The following TENM2 variants were observed in gnomAD, a reference collection of about 807,000 sequenced individuals.
TENM2 encodes the protein teneurin-2.
TENM2 carries 52 observed loss-of-function variants against 245.2 expected under a neutral mutation model. The observed-to-expected ratio is 0.21, with a 90% CI of 0.17 to 0.27. The LOEUF is 0.27. TENM2 is among the 10% of genes least tolerant of loss of function. The pLI is 1.00. For synonymous variants in TENM2, 1,363 were observed against 1,438.9 expected (o/e 0.95, Z 1.19); for missense variants, 3,046 against 3,666.8 (o/e 0.83, Z 4.37).
chr5:167,693,595 C>T (rs1466982690), intron 2 of TENM2, among the ~76,000 whole-genome samples: 2 of 148,490 alleles, frequency 1.3e-5, no homozygotes, highest in African/African-American at 5.0e-5. Flanking sequence ...CGGTGCTCCT[C>T]TCCCTCACTG....
intron 2 of TENM2, among the ~76,000 whole-genome samples, chr5:167,832,918 C>G (rs1768633991): frequency 6.6e-6 from 1 of 152,056 alleles, no homozygotes; most frequent in Non-Finnish European, 1.5e-5. Flanking sequence ...TGCTACAGAT[C>G]AGGGCTTTTT....
At chr5:167,905,059 C>G (rs1775983019) in intron 3 of TENM2, among the ~76,000 whole-genome samples, 1 of 152,114 alleles carries the variant, frequency 6.6e-6, no homozygotes, top group African/African-American at 2.4e-5. Flanking sequence ...TCATAAAACA[C>G]ATGATCAGAA....
exon 19 of TENM2, chr5:168,204,607 C>T (rs1221648568): frequency 3.1e-6 from 5 of 1,613,684 alleles, no homozygotes; most frequent in East Asian, 2.2e-5. Flanking sequence ...ATGTGACCAG[C>T]ATCTTGGAGT....
rs568555353 is a variant in TENM2, at chr5:167,732,474, T to C, written c.503-143512T>C. Among the ~76,000 whole-genome samples the C allele has an allele frequency of 5.8e-4, 88 of 152,330 alleles. No homozygotes were observed. In the South Asian group the frequency reaches 0.017, roughly 29 times the overall value. The stretch of plus-strand genomic sequence containing the variant: ...GGGAAGAAAAGAACTGGATACATTA[T>C]TGTTTTTAAGAAAACTTAAAAGATG... On this transcript the variant is annotated intron_variant, in intron 2 of 28. Transcript: ENST00000518659.
intron 2 of TENM2, among the ~76,000 whole-genome samples, chr5:167,435,616 C>T (rs79868300): frequency 0.062 from 9,384 of 152,126 alleles, 470 homozygotes; most frequent in African/African-American, 0.14. Flanking sequence ...TGGGGAGCTG[C>T]TGAAAAGATA....
intron 6 of TENM2, among the ~76,000 whole-genome samples, chr5:168,060,892 C>A (rs951932742): frequency 9.9e-5 from 15 of 152,144 alleles, no homozygotes; most frequent in Non-Finnish European, 2.1e-4. Context: ...TTTCTCATTT[C>A]TCAGGATCAT....
intron 4 of TENM2, chr5:167,967,175 G>C (rs1781445000): frequency 6.6e-6 from 1 of 151,866 alleles, no homozygotes; most frequent in South Asian, 2.1e-4. Flanking sequence ...TTTCTTGGCA[G>C]ATGGAAACAA....
At chr5:167,519,070 C>T (rs1279249518) in intron 2 of TENM2, among the ~76,000 whole-genome samples, 1 of 152,130 alleles carries the variant, frequency 6.6e-6, no homozygotes, top group Non-Finnish European at 1.5e-5. Flanking sequence ...TAGTGCAAGG[C>T]TTGAATCCAT....
the TENM2 span, among the ~76,000 whole-genome samples, chr5:167,175,688 A>G: frequency 6.6e-6 from 1 of 151,844 alleles, no homozygotes; most frequent in Non-Finnish European, 1.5e-5. Flanking sequence ...CTACCTCTTT[A>G]TCTGTGGTCT....
At chr5:168,024,456 T>G (rs1786432224) in intron 5 of TENM2, among the ~76,000 whole-genome samples, 1 of 152,186 alleles carries the variant, frequency 6.6e-6, no homozygotes, top group African/African-American at 2.4e-5. Context: ...CTTTTAACTG[T>G]GAAATTCAGT....
At chr5:167,736,186 G>A (rs567994644) in intron 2 of TENM2, among the ~76,000 whole-genome samples, 6 of 152,188 alleles carry the variant, frequency 3.9e-5, no homozygotes, top group African/African-American at 1.4e-4. Context: ...GTGAGGGGTG[G>A]GGAGAAAGCC....
At chr5:167,520,945 TTTTTG>T (rs1770711792) in intron 2 of TENM2, among the ~76,000 whole-genome samples, 1 of 151,300 alleles carries the variant, frequency 6.6e-6, no homozygotes. Flanking sequence ...TTTTTTTTTT[TTTTTG>T]GTGCCAGGTC....
chr5:167,171,171 G>C, the TENM2 span, among the ~76,000 whole-genome samples: 1 of 151,792 alleles, frequency 6.6e-6, no homozygotes, highest in Non-Finnish European at 1.5e-5. Context: ...CCTTGCCTTT[G>C]ACTCTGTTCC....
chr5:167,129,288 C>G, the TENM2 span, among the ~76,000 whole-genome samples: 1 of 152,062 alleles, frequency 6.6e-6, no homozygotes. Context: ...TGCTGGTGTC[C>G]CGGCTTGCCA....
chr5:167,930,696 T>C (rs1322356969), intron 3 of TENM2, among the ~76,000 whole-genome samples: 1 of 152,120 alleles, frequency 6.6e-6, no homozygotes, highest in Non-Finnish European at 1.5e-5. Context: ...TTGCCCAGGC[T>C]GGTAGAATTT....
intron 3 of TENM2, among the ~76,000 whole-genome samples, chr5:167,902,542 C>A (rs889748722): frequency 6.6e-6 from 1 of 152,146 alleles, no homozygotes; most frequent in African/African-American, 2.4e-5. Flanking sequence ...GCTGCCCCAG[C>A]CTAAGAGGAT....
chr5:167,507,776 C>A (rs1769654185), intron 2 of TENM2, among the ~76,000 whole-genome samples: 1 of 152,106 alleles, frequency 6.6e-6, no homozygotes, highest in South Asian at 2.1e-4. Flanking sequence ...CAATAAATAA[C>A]AATTACCATA....
intron 10 of TENM2, among the ~76,000 whole-genome samples, chr5:168,122,779 A>T (rs1367439978): frequency 2.0e-5 from 3 of 152,076 alleles, no homozygotes; most frequent in Admixed American, 1.3e-4. Flanking sequence ...TCCATATATA[A>T]TACCTTCCTG....
intron 1 of TENM2, among the ~76,000 whole-genome samples, chr5:167,317,810 G>T (rs1366844511): frequency 6.6e-6 from 1 of 152,130 alleles, no homozygotes; most frequent in African/African-American, 2.4e-5. Context: ...ATCATTGTGT[G>T]GGTGTGAGTG....
Sources: allele counts gnomAD v4.1 joint callset (sites outside exome capture counted in the v4.1 genomes callset), GRCh38; gene constraint gnomAD v4.1.1; transcripts MANE v1.5; gene names NCBI Gene and HGNC (gene_info 2026-07-23, HGNC 2026-07-21).